Variants in CLASP1 observed in about 807,000 individuals in gnomAD.
The protein encoded by CLASP1 is cytoplasmic linker associated protein 1.
Under a neutral mutation model 192.3 loss-of-function variants are expected in CLASP1, and 38 were observed. That is an observed-to-expected ratio of 0.20 (90% CI 0.15 to 0.26). CLASP1 has a LOEUF of 0.26. Among genes scored for constraint, CLASP1 ranks in the 10% least tolerant of loss-of-function variants. The pLI is 1.00. For synonymous variants in CLASP1, 691 were observed against 712.8 expected (o/e 0.97, Z 0.49); for missense variants, 1,433 against 1,932.5 (o/e 0.74, Z 4.85).
intron 2 of CLASP1, among the ~76,000 whole-genome samples, chr2:121,536,254 A>G (rs967418901): frequency 4.0e-5 from 6 of 151,446 alleles, no homozygotes; most frequent in African/African-American, 1.2e-4. Context: ...TGTGACGGGC[A>G]CCTGTAGTCC....
At chr2:121,598,078 T>C (rs1467933350) in intron 2 of CLASP1, among the ~76,000 whole-genome samples, 1 of 152,238 alleles carries the variant, frequency 6.6e-6, no homozygotes, top group African/African-American at 2.4e-5. Flanking sequence ...GACAGCCATA[T>C]TCAAAATTTG....
intron 21 of CLASP1, among the ~76,000 whole-genome samples, chr2:121,426,996 A>G (rs2080507320): frequency 6.6e-6 from 1 of 151,884 alleles, no homozygotes; most frequent in Non-Finnish European, 1.5e-5. Context: ...TTACCTGTAA[A>G]TTTATATGTG....
At chr2:121,510,657 G>T (rs116456164) in intron 7 of CLASP1, among the ~76,000 whole-genome samples, 1 of 151,620 alleles carries the variant, frequency 6.6e-6, no homozygotes, top group East Asian at 1.9e-4. Context: ...AATTACCCGC[G>T]CATGGTAGCA....
intron 1 of CLASP1, among the ~76,000 whole-genome samples, chr2:121,644,069 A>T (rs1208576494): frequency 1.3e-5 from 2 of 152,194 alleles, no homozygotes; most frequent in African/African-American, 4.8e-5. Context: ...ACTATCCTCA[A>T]CACTTTACAC....
At chr2:121,551,791 T>G (rs1160172234) in intron 2 of CLASP1, among the ~76,000 whole-genome samples, 2 of 152,156 alleles carry the variant, frequency 1.3e-5, no homozygotes, top group Non-Finnish European at 2.9e-5. Context: ...ATTTACAGAT[T>G]CAGTGCTATT....
intron 19 of CLASP1, among the ~76,000 whole-genome samples, chr2:121,431,557 G>GA (rs1490119194): frequency 6.6e-6 from 1 of 151,940 alleles, no homozygotes; most frequent in Non-Finnish European, 1.5e-5. Context: ...AAGTGAACAT[G>GA]AAAAAAACAA....
chr2:121,528,889 T>C (rs1317034093), intron 3 of CLASP1, 109 bp from the exon 4 acceptor site: 2 of 816,968 alleles, frequency 2.4e-6, no homozygotes, highest in Non-Finnish European at 4.2e-6. Context: ...ACCTAAATGA[T>C]GTATCTCATT....
At chr2:121,641,183 C>A (rs951529599) in intron 1 of CLASP1, among the ~76,000 whole-genome samples, 1 of 152,122 alleles carries the variant, frequency 6.6e-6, no homozygotes, top group Non-Finnish European at 1.5e-5. Context: ...ATACAACAGG[C>A]CTCTGTTAGC....
rs771188196 is a variant in CLASP1, at chr2:121,557,938, G to A, written c.196-27613C>T. On this transcript the variant is annotated intron_variant, in intron 2 of 39. Transcript: ENST00000263710. ...TCTACTAAAAATACTAAAATTAGCCGGGCATGGTGGTGGGCACCTGTAATC... is the reference window on the plus strand; with the variant it reads ...TCTACTAAAAATACTAAAATTAGCCAGGCATGGTGGTGGGCACCTGTAATC... 3.3e-5 allele frequency among the ~76,000 whole-genome samples: 5 copies of A among 151,352 alleles called. 1 individual carries two copies. The highest frequency in any genetic ancestry group is 1.9e-4 in the East Asian group (1 of 5,140).
intron 2 of CLASP1, among the ~76,000 whole-genome samples, chr2:121,568,558 A>G (rs1407276864): frequency 2.6e-5 from 4 of 151,476 alleles, no homozygotes; most frequent in African/African-American, 9.7e-5. Context: ...GAAAGAAGGA[A>G]TGAGTCTATC....
intron 2 of CLASP1, among the ~76,000 whole-genome samples, chr2:121,554,170 C>T (rs2058307987): frequency 1.3e-5 from 2 of 151,682 alleles, no homozygotes; most frequent in Admixed American, 6.6e-5. Flanking sequence ...GAGCCATGAT[C>T]ACCCACTGCA....
chr2:121,535,718 G>A (rs890965108), intron 2 of CLASP1, among the ~76,000 whole-genome samples: 2 of 151,010 alleles, frequency 1.3e-5, no homozygotes, highest in African/African-American at 2.4e-5. Flanking sequence ...GCGTGATTTC[G>A]GCTCACTGCA....
At chr2:121,558,642 G>A (rs142945094) in intron 2 of CLASP1, among the ~76,000 whole-genome samples, 6 of 152,248 alleles carry the variant, frequency 3.9e-5, no homozygotes, top group East Asian at 1.9e-4. Context: ...CAGCTAGAAG[G>A]CTCTCACCAG....
chr2:121,501,725 G>C (rs2093760391), intron 8 of CLASP1, among the ~76,000 whole-genome samples: 1 of 152,172 alleles, frequency 6.6e-6, no homozygotes, highest in Admixed American at 6.5e-5. Flanking sequence ...CAGAGTGTGA[G>C]TCAAAAGACT....
chr2:121,381,588 G>A (rs72967323), intron 33 of CLASP1, among the ~76,000 whole-genome samples: 186 of 152,232 alleles, frequency 1.2e-3, no homozygotes, highest in African/African-American at 4.2e-3. Flanking sequence ...CCATGATGCC[G>A]CATTCAGCAT....
intron 8 of CLASP1, among the ~76,000 whole-genome samples, chr2:121,479,225 CT>C (rs1459670672): frequency 2.0e-5 from 3 of 151,512 alleles, no homozygotes; most frequent in Non-Finnish European, 4.4e-5. Flanking sequence ...AGCATGCAGA[CT>C]GGATTGGAAG....
At chr2:121,431,253 C>A (rs1286228813) in intron 19 of CLASP1, among the ~76,000 whole-genome samples, 1 of 152,148 alleles carries the variant, frequency 6.6e-6, no homozygotes, top group Non-Finnish European at 1.5e-5. Flanking sequence ...GAATCAATGA[C>A]TTTTCAGTTT....
chr2:121,348,433 A>G, intron 38 of CLASP1, 79 bp downstream of exon 39: 3 of 1,286,890 alleles, frequency 2.3e-6, no homozygotes, highest in Non-Finnish European at 1.1e-6. Context: ...GTGAAGGAGG[A>G]GCACAAAGCC....
intron 30 of CLASP1, 49 bp downstream of exon 31, chr2:121,397,091 A>G (rs1390792804): frequency 9.4e-6 from 15 of 1,597,534 alleles, no homozygotes; most frequent in Non-Finnish European, 1.0e-5. Context: ...TTTCTCTAAC[A>G]CAAGCCCAGG....
Sources: allele counts gnomAD v4.1 joint callset (sites outside exome capture counted in the v4.1 genomes callset), GRCh38; gene constraint gnomAD v4.1.1; transcripts MANE v1.5; gene names NCBI Gene and HGNC (gene_info 2026-07-23, HGNC 2026-07-21).